PELI2: variants seen among roughly 807,000 people sequenced by gnomAD.
PELI2 encodes pellino E3 ubiquitin protein ligase family member 2.
A neutral mutation model predicts 42.3 loss-of-function variants in PELI2; 23 were observed. That is an observed-to-expected ratio of 0.54 (90% CI 0.39 to 0.77). The LOEUF (loss-of-function observed/expected upper bound fraction) is 0.77, where lower values mean the gene tolerates loss of function less well. Among genes scored for constraint, PELI2 ranks in the 30% least tolerant of loss-of-function variants. The probability of loss-of-function intolerance (pLI) is 0.00; values close to 1 mark genes in which losing one functional copy is unlikely to be tolerated. For synonymous variants in PELI2, 245 were observed against 212.2 expected, an observed-to-expected ratio of 1.15 and a Z score of -1.34; for missense variants, 463 against 553.2, an observed-to-expected ratio of 0.84 and a Z score of 1.64.
rs1238758960 is a variant in PELI2 at position 56,297,325 on chromosome 14, A to C, written c.*159A>C. The C allele has an allele frequency of 1.6e-6, 1 of 608,218 alleles. No individual in the cohort carries two copies. The highest frequency in any genetic ancestry group is 2.8e-5 in the East Asian group (1 of 36,316). 37.7% of individuals were successfully genotyped at this position (608,218 alleles called of 1,614,324 possible). On this transcript the variant is annotated 3_prime_UTR_variant, in exon 6 of 6. Transcript: ENST00000267460. ...TGGTGATGAAACATGGCAGGAGTGT[A>C]ACAGATACCAGTGGTGTGTTGCATG...
chr14:56,157,014 C>A (rs1395653483), intron 1 of PELI2, among the ~76,000 whole-genome samples: 1 of 152,192 alleles, frequency 6.6e-6, no homozygotes, highest in Non-Finnish European at 1.5e-5. Flanking sequence ...TGGCTGTTGA[C>A]TGACTCCTAG....
At chr14:56,206,562 C>T (rs1268684130) in intron 2 of PELI2, among the ~76,000 whole-genome samples, 1 of 152,108 alleles carries the variant, frequency 6.6e-6, no homozygotes, top group African/African-American at 2.4e-5. Flanking sequence ...TTAAAAGCCA[C>T]TTTGTTTTTC....
chr14:56,165,649 G>C (rs1056029299), intron 1 of PELI2, among the ~76,000 whole-genome samples: 6 of 152,138 alleles, frequency 3.9e-5, no homozygotes, highest in African/African-American at 1.4e-4. Flanking sequence ...TTGATCTTCT[G>C]TTTGGAAGAT....
In PELI2 at chr14:56,200,979, C is replaced by T. The variant is rs141396965; in HGVS notation, c.207+22515C>T. On this transcript the variant is annotated intron_variant, in intron 2 of 5. Transcript: ENST00000267460. ...TTTTTAAATAAGAAAGTCACACAGT[C>T]ATCTCTAATATTAAAATACATTTAA... Among the ~76,000 whole-genome samples, 690 of 152,250 alleles carry T rather than the reference C, an allele frequency of 4.5e-3. 7 individuals are homozygous for T. Among genetic ancestry groups the T allele is most frequent in the African/African-American group, 0.016 (644 of 41,542 alleles).
chr14:56,244,315 T>C (rs1888076921), intron 2 of PELI2, among the ~76,000 whole-genome samples: 1 of 152,210 alleles, frequency 6.6e-6, no homozygotes, highest in African/African-American at 2.4e-5. Context: ...TGTGACGTAA[T>C]ATCAGGGGTA....
At chr14:56,161,733 TA>T (rs202057533) in intron 1 of PELI2, among the ~76,000 whole-genome samples, 6 of 152,068 alleles carry the variant, frequency 3.9e-5, no homozygotes, top group Admixed American at 6.6e-5. Flanking sequence ...CATATATATA[TA>T]TTTTTTTTCA....
intron 2 of PELI2, among the ~76,000 whole-genome samples, chr14:56,267,117 T>A (rs1282090005): frequency 6.6e-6 from 1 of 152,092 alleles, no homozygotes; most frequent in East Asian, 1.9e-4. Flanking sequence ...ACTGGTAACA[T>A]TTAGTAACTT....
chr14:56,133,452 A>G (rs1425458531), intron 1 of PELI2, among the ~76,000 whole-genome samples: 3 of 152,256 alleles, frequency 2.0e-5, no homozygotes, highest in East Asian at 3.9e-4. Flanking sequence ...TCTCTGAAAG[A>G]CTCAGTATGT....
chr14:56,210,744 G>A (rs966564493), intron 2 of PELI2, among the ~76,000 whole-genome samples: 7 of 152,108 alleles, frequency 4.6e-5, no homozygotes, highest in Non-Finnish European at 7.3e-5. Context: ...CACAATAATG[G>A]CATGATTTGA....
intron 2 of PELI2, among the ~76,000 whole-genome samples, chr14:56,200,193 C>T (rs1886282010): frequency 6.6e-6 from 1 of 152,270 alleles, no homozygotes; most frequent in South Asian, 2.1e-4. Flanking sequence ...TCTTTTACTG[C>T]TACTACACCA....
Position 56,288,677 on chromosome 14 carries a change from G to A in PELI2, c.507+43G>A. 2.1e-6 allele frequency: 3 copies of A among 1,462,060 alleles called. No homozygotes were observed. Among genetic ancestry groups the A allele is most frequent in the Non-Finnish European group, 2.8e-6 (3 of 1,061,046 alleles). The allele number at this position is 1,462,060 out of a possible 1,614,324, so 90.6% of individuals were successfully genotyped here. On this transcript the variant is annotated intron_variant, in intron 4 of 5. Coordinates refer to ENST00000267460, the MANE Select transcript of PELI2 (RefSeq NM_021255.3). The surrounding 1 kb of genome is among the most constrained non-coding windows in gnomAD (Gnocchi z 4.6). ...GTACACGATTTCTAGAAAAATGCTTGTGATTATGATATGGAACATTTAATT... is the reference window on the plus strand; with the variant it reads ...GTACACGATTTCTAGAAAAATGCTTATGATTATGATATGGAACATTTAATT...
chr14:56,233,933 G>C (rs1887684812), intron 2 of PELI2, among the ~76,000 whole-genome samples: 2 of 152,182 alleles, frequency 1.3e-5, no homozygotes, highest in African/African-American at 4.8e-5. Flanking sequence ...CATCAAAAGT[G>C]GGCGAAGGAC....
chr14:56,233,510 T>C (rs1887664937), intron 2 of PELI2, among the ~76,000 whole-genome samples: 1 of 152,136 alleles, frequency 6.6e-6, no homozygotes, highest in Admixed American at 6.5e-5. Context: ...GGGGAAGGAA[T>C]TCCCTGTTTA....
At chr14:56,162,693 C>G (rs1448068735) in intron 1 of PELI2, among the ~76,000 whole-genome samples, 1 of 152,124 alleles carries the variant, frequency 6.6e-6, no homozygotes, top group Non-Finnish European at 1.5e-5. Context: ...CCAAACTGTT[C>G]TTATAGTGGT....
At chr14:56,245,564 T>C (rs76690205) in intron 2 of PELI2, among the ~76,000 whole-genome samples, 9,350 of 152,256 alleles carry the variant, frequency 0.061, 388 homozygotes, top group Non-Finnish European at 0.095. Flanking sequence ...TGGAGAGTTG[T>C]TATTCTGGCC....
chr14:56,195,948 G>A (rs1375379680), intron 2 of PELI2, among the ~76,000 whole-genome samples: 1 of 152,230 alleles, frequency 6.6e-6, no homozygotes, highest in East Asian at 1.9e-4. Context: ...TTCCCAGCTG[G>A]CAGGATGTGG....
chr14:56,138,247 G>A (rs1883757600), intron 1 of PELI2, among the ~76,000 whole-genome samples: 1 of 152,190 alleles, frequency 6.6e-6, no homozygotes, highest in Admixed American at 6.5e-5. Flanking sequence ...AGTAACTTCA[G>A]GAATATTCTT....
In PELI2 at chr14:56,296,899, G is replaced by C. The variant is rs1246273520; in HGVS notation, c.996G>C (p.Glu332Asp). 6.2e-7 allele frequency: 1 copy of C among 1,614,058 alleles called. No homozygotes were observed. The highest frequency in any genetic ancestry group is 8.5e-7 in the Non-Finnish European group (1 of 1,180,038). Residue 332 changes from glutamate to aspartate, a missense_variant, in exon 6 of 6, where the codon GAG (glutamate) becomes GAC (aspartate). Glu to Asp is a conservative substitution (Grantham distance 45). Coordinates refer to ENST00000267460, the MANE Select transcript of PELI2 (RefSeq NM_021255.3). ...ATCGGAGTGACACGGAGGCCAACGA[G>C]AGGGAGTGTCCCATGTGCAGGACTG... The part of the protein sequence containing the change: ...WGHRSDTEAN[E>D]RECPMCRTVG...
intron 2 of PELI2, among the ~76,000 whole-genome samples, chr14:56,205,580 A>G (rs536339524): frequency 3.3e-5 from 5 of 152,288 alleles, no homozygotes; most frequent in East Asian, 3.9e-4. Context: ...AAGCTTAGAT[A>G]AAGGCAGTAA....
Sources: allele counts gnomAD v4.1 joint callset (sites outside exome capture counted in the v4.1 genomes callset), GRCh38; gene constraint gnomAD v4.1.1; non-coding constraint Gnocchi (gnomAD v3.1); transcripts MANE v1.5; gene names NCBI Gene and HGNC (gene_info 2026-07-23, HGNC 2026-07-21).